TNNC2: variants seen among roughly 807,000 people sequenced by gnomAD.
TNNC2 encodes the protein troponin C2, fast skeletal type.
TNNC2 carries 14 observed loss-of-function variants against 20.0 expected under a neutral mutation model. That is an observed-to-expected ratio of 0.70 (90% CI 0.46 to 1.09). TNNC2 has a LOEUF of 1.09. Ranked by LOEUF, TNNC2 falls within the 50% of genes least tolerant of loss-of-function variation. The pLI is 0.00. For missense variants in TNNC2, 163 were observed against 223.8 expected, an observed-to-expected ratio of 0.73 and a Z score of 1.73; for synonymous variants, 81 against 77.3, an observed-to-expected ratio of 1.05 and a Z score of -0.25.
At chr20:45,828,638 A>C (rs1472259265), upstream of TNNC2, among the ~76,000 whole-genome samples, 2 of 152,012 alleles carry the variant, frequency 1.3e-5, no homozygotes, top group African/African-American at 4.8e-5. Context: ...TGGGGAGTAA[A>C]GGGGTGGGCA....
chr20:45,831,916 A>G (rs1983118799), upstream of TNNC2, among the ~76,000 whole-genome samples: 1 of 152,238 alleles, frequency 6.6e-6, no homozygotes, highest in African/African-American at 2.4e-5. Context: ...TTTTTAACCA[A>G]TGGTTGGTGA....
chr20:45,824,598 A>C lies in TNNC2; in HGVS notation c.96T>G (p.Gly32=). The C allele has an allele frequency of 6.2e-7, 1 of 1,611,460 alleles. No individual in the cohort carries two copies. The highest frequency in any genetic ancestry group is 8.5e-7 in the Non-Finnish European group (1 of 1,179,962). The change falls in exon 3 of 6, where the codon GGT becomes GGG. Residue 32 remains glycine (G), a synonymous_variant. Transcript: ENST00000372555. ...AAFDMFDADG[G]GDISVKELGT... ...CCAACTCCTTGACGCTGATGTCCCC[A>C]CCACCATCAGCATCAAACATGTCAA...
chr20:45,831,157 A>T (rs1414319996), upstream of TNNC2, among the ~76,000 whole-genome samples: 2 of 152,080 alleles, frequency 1.3e-5, no homozygotes, highest in Non-Finnish European at 2.9e-5. Flanking sequence ...TGGTGGGCAC[A>T]TATCTGTAGT....
upstream of TNNC2, among the ~76,000 whole-genome samples, chr20:45,829,067 G>A (rs898011529): frequency 2.0e-5 from 3 of 151,826 alleles, no homozygotes; most frequent in East Asian, 1.9e-4. Context: ...TGCACCCTCC[G>A]CCTCCTAGGT....
upstream of TNNC2, among the ~76,000 whole-genome samples, chr20:45,829,562 G>C (rs1462206254): frequency 6.6e-6 from 1 of 151,662 alleles, no homozygotes; most frequent in Non-Finnish European, 1.5e-5. Flanking sequence ...GGCGGATCAC[G>C]AGGTCAGGAG....
chr20:45,829,013 C>T (rs1983043378), upstream of TNNC2, among the ~76,000 whole-genome samples: 1 of 152,138 alleles, frequency 6.6e-6, no homozygotes, highest in South Asian at 2.1e-4. Flanking sequence ...CAGACTCTCA[C>T]TCTGTCACCC....
At chr20:45,827,562 C>T (rs901410395), upstream of TNNC2, among the ~76,000 whole-genome samples, 1 of 152,272 alleles carries the variant, frequency 6.6e-6, no homozygotes, top group East Asian at 1.9e-4. Context: ...GCCTTGGAGT[C>T]CCCCCGACCG....
upstream of TNNC2, chr20:45,827,398 A>G (rs1274468834): frequency 1.0e-6 from 1 of 1,002,092 alleles, no homozygotes; most frequent in East Asian, 2.6e-5. Flanking sequence ...ACCCTGCCCA[A>G]TCAGATCCTG....
At chr20:45,824,203 C>G in intron 4 of TNNC2, 76 bp from the exon 5 acceptor site, 1 of 1,599,654 alleles carries the variant, frequency 6.3e-7, no homozygotes. Context: ...CGCCCCGCTT[C>G]CGCACTCCCA....
intron 2 of TNNC2, 34 bp downstream of exon 2, chr20:45,824,749 C>T (rs777196408): frequency 8.0e-7 from 1 of 1,255,384 alleles, no homozygotes; most frequent in South Asian, 1.2e-5. Flanking sequence ...CAGCATACAT[C>T]CACCCAGCCC....
At position 45,824,013 on chromosome 20, in the gene TNNC2, G is replaced by A; in HGVS notation, c.429C>T (p.Asn143=). ...ESLMKDGDKN[N]DGRIDFDEFL... The stretch of plus-strand genomic sequence containing the variant: ...CACCGTCGAAGTCAATGCGGCCGTC[G>A]TTGTTCTTGTCGCCGTCTTTCATCA... The change falls in exon 5 of 6, where the codon AAC becomes AAT. Residue 143 remains asparagine, a synonymous_variant. Transcript: ENST00000372555. 6.2e-7 allele frequency: 1 copy of A among 1,614,088 alleles called. No homozygotes were observed.
intron 2 of TNNC2, among the ~76,000 whole-genome samples, chr20:45,832,747 C>T (rs148099947): frequency 2.1e-4 from 32 of 152,338 alleles, no homozygotes; most frequent in African/African-American, 7.5e-4. Flanking sequence ...TGACAGGAAG[C>T]CACAATAACT....
upstream of TNNC2, among the ~76,000 whole-genome samples, chr20:45,831,190 G>A (rs1269486012): frequency 6.6e-6 from 1 of 152,182 alleles, no homozygotes; most frequent in East Asian, 1.9e-4. Flanking sequence ...GGAGGCTGAG[G>A]TGGGAGAATC....
Position 45,824,305 on chromosome 20 carries a change from G to T in TNNC2, c.301C>A (p.Arg101Ser). The change falls in exon 4 of 6, where the codon CGC becomes AGC. Residue 101 changes from arginine (R) to serine (S), a missense_variant. Coordinates refer to ENST00000372555, the MANE Select transcript of TNNC2 (RefSeq NM_003279.3). ...KSEEELAECF[R>S]IFDRNADGYI... The stretch of plus-strand genomic sequence containing the variant: ...CCCCCAGCGCACCTGTCGAAGATGC[G>T]GAAGCACTCGGCCAGCTCCTCCTCG... 3 of 1,610,398 alleles carry T rather than the reference G, an allele frequency of 1.9e-6. No individual in the cohort carries two copies. The highest frequency in any genetic ancestry group is 1.7e-6 in the Non-Finnish European group (2 of 1,179,930).
chr20:45,826,632 C>T (rs1004055039), intron 1 of TNNC2, among the ~76,000 whole-genome samples: 7 of 152,234 alleles, frequency 4.6e-5, no homozygotes, highest in East Asian at 1.9e-4. Context: ...GCATGGGCAA[C>T]AGCAGCTGGC....
chr20:45,830,651 T>G (rs1305074773), upstream of TNNC2, among the ~76,000 whole-genome samples: 1 of 152,232 alleles, frequency 6.6e-6, no homozygotes, highest in Non-Finnish European at 1.5e-5. Flanking sequence ...ATGTAGCAGG[T>G]GTTCAACAGA....
chr20:45,823,352 T>C lies in TNNC2; in HGVS notation c.479A>G (p.Gln160Arg), dbSNP rs749368853. ...DEFLKMMEGVQ is the reference protein window; with the variant it reads ...DEFLKMMEGVR ...GTAGAGGCGACTGTCCACTCCTTAC[T>C]GCACGCCCTCCATCATCTTCAGGAA... The change falls in exon 6 of 6, where the codon CAG (glutamine) becomes CGG (arginine). Residue 160 changes from glutamine (Q) to arginine (R), a missense_variant. Transcript: ENST00000372555. This position sits in a 1 kb window ranked among gnomAD's most constrained non-coding sequence, Gnocchi z 4.6. The C allele has an allele frequency of 6.3e-7, 1 of 1,590,188 alleles. No individual in the cohort carries two copies. The highest frequency in any genetic ancestry group is 1.2e-5 in the South Asian group (1 of 86,812).
Position 45,824,115 on chromosome 20 carries a change from G to A in TNNC2, c.327C>T (p.Gly109=). 1 of 1,613,742 alleles carries A rather than the reference G, an allele frequency of 6.2e-7. No homozygotes were observed. The highest frequency in any genetic ancestry group is 2.2e-5 in the East Asian group (1 of 44,868). Residue 109 remains glycine (G), a synonymous_variant, in exon 5 of 6, where the codon GGC becomes GGT. Coordinates refer to ENST00000372555, the MANE Select transcript of TNNC2 (RefSeq NM_003279.3). ...CAGCCAGCTCCTCCGGGTCGATGTAGCCGTCTGCATTCCTTCAGGTCCGAG... is the reference window on the plus strand; with the variant it reads ...CAGCCAGCTCCTCCGGGTCGATGTAACCGTCTGCATTCCTTCAGGTCCGAG... ...CFRIFDRNAD[G]YIDPEELAEI... is the part of the protein sequence containing the mutation.
intron 2 of TNNC2, 35 bp downstream of exon 2, chr20:45,824,748 T>G (rs1227072857): frequency 1.8e-6 from 2 of 1,089,638 alleles, no homozygotes; most frequent in Admixed American, 4.6e-5. Flanking sequence ...CCAGCATACA[T>G]CCACCCAGCC....
Sources: allele counts gnomAD v4.1 joint callset (sites outside exome capture counted in the v4.1 genomes callset), GRCh38; gene constraint gnomAD v4.1.1; non-coding constraint Gnocchi (gnomAD v3.1); transcripts MANE v1.5; gene names NCBI Gene and HGNC (gene_info 2026-07-23, HGNC 2026-07-21).